The following INPP5D variants were observed in gnomAD, a reference collection of about 807,000 sequenced individuals.
The protein encoded by INPP5D is inositol polyphosphate-5-phosphatase D.
Under a neutral mutation model 122.9 loss-of-function variants are expected in INPP5D, and 33 were observed. That is an observed-to-expected ratio of 0.27 (90% CI 0.20 to 0.36). The LOEUF (loss-of-function observed/expected upper bound fraction) is 0.36, where lower values mean the gene tolerates loss of function less well. INPP5D is among the 10% of genes least tolerant of loss of function. The pLI is 1.00. For missense variants in INPP5D, 1,053 were observed against 1,412.7 expected, an observed-to-expected ratio of 0.75 and a Z score of 4.08; for synonymous variants, 584 against 576.2, an observed-to-expected ratio of 1.01 and a Z score of -0.19.
chr2:233,129,152 T>C (rs1693248999), intron 4 of INPP5D, among the ~76,000 whole-genome samples: 1 of 152,014 alleles, frequency 6.6e-6, no homozygotes, highest in Non-Finnish European at 1.5e-5. Flanking sequence ...GGTGACAGGG[T>C]GAGACCCTGT....
chr2:233,091,805 G>T lies in INPP5D; in HGVS notation c.198+12407G>T, dbSNP rs186033994. On this transcript the variant is annotated intron_variant, in intron 2 of 26. Coordinates refer to ENST00000445964, the MANE Select transcript of INPP5D (RefSeq NM_001017915.3). The stretch of plus-strand genomic sequence containing the variant: ...CTACCGCAGCAACTATCTTGATTCT[G>T]TATTGACTCACTCATTTATTATCTG... Among the ~76,000 whole-genome samples, 3 of 152,306 alleles carry T rather than the reference G, an allele frequency of 2.0e-5. No homozygotes were observed. In the East Asian group the frequency reaches 5.8e-4, roughly 29 times the overall value.
chr2:233,111,137 A>T (rs1378280656), intron 2 of INPP5D, among the ~76,000 whole-genome samples: 1 of 152,178 alleles, frequency 6.6e-6, no homozygotes, highest in Non-Finnish European at 1.5e-5. Flanking sequence ...AGTTGCTGAC[A>T]ATGCCCCACT....
At chr2:233,116,637 C>A (rs1692807107) in intron 2 of INPP5D, among the ~76,000 whole-genome samples, 1 of 151,038 alleles carries the variant, frequency 6.6e-6, no homozygotes, top group Non-Finnish European at 1.5e-5. Flanking sequence ...CACTCTGTCG[C>A]CCAGGCTGGA....
At chr2:233,113,917 T>TC (rs1365571414) in intron 2 of INPP5D, among the ~76,000 whole-genome samples, 1 of 148,496 alleles carries the variant, frequency 6.7e-6, no homozygotes, top group African/African-American at 2.6e-5. Context: ...TTTTTTTTTT[T>TC]TTTTTTTGAG....
chr2:233,137,922 A>C (rs1693531965), intron 5 of INPP5D, among the ~76,000 whole-genome samples: 1 of 96,570 alleles, frequency 1.0e-5, no homozygotes, highest in African/African-American at 3.4e-5. Context: ...ACATACACAT[A>C]ATATGTTAGT....
At position 233,185,886 on chromosome 2, in the gene INPP5D, G is replaced by C. The variant is rs1454375485; in HGVS notation, c.2319G>C (p.Glu773Asp). 3.1e-6 allele frequency: 5 copies of C among 1,609,414 alleles called. No homozygotes were observed. The highest frequency in any genetic ancestry group is 4.2e-6 in the Non-Finnish European group (5 of 1,177,908). Residue 773 changes from glutamate (E) to aspartate (D), a missense_variant, in exon 21 of 27, where the codon GAG becomes GAC. By Grantham distance (45) the Glu-to-Asp change is conservative. Transcript: ENST00000445964. ...AAGGAGAAAATGAAGAAGGAAGTGA[G>C]GGGGAGCTGGTGGTGAAGTTTGGTG... ...SQEGENEEGS[E>D]GELVVKFGET... is the part of the protein sequence containing the mutation.
intron 20 of INPP5D, among the ~76,000 whole-genome samples, chr2:233,185,129 G>A (rs1462319578): frequency 6.6e-6 from 1 of 152,080 alleles, no homozygotes; most frequent in East Asian, 1.9e-4. Context: ...CGTGTGTCCA[G>A]CCGTCTTCGC....
chr2:233,073,731 C>T (rs1197111785), intron 1 of INPP5D, among the ~76,000 whole-genome samples: 1 of 145,954 alleles, frequency 6.9e-6, no homozygotes, highest in Non-Finnish European at 1.5e-5. Context: ...TATTTCTCTT[C>T]TTCCCTCTCT....
chr2:233,198,188 G>A lies in INPP5D; in HGVS notation c.2787G>A (p.Val929=). The A allele has an allele frequency of 6.2e-7, 1 of 1,613,638 alleles. No individual in the cohort carries two copies. The highest frequency in any genetic ancestry group is 8.5e-7 in the Non-Finnish European group (1 of 1,179,892). ...GPFGPPMPLH[V]KQTLSPDQQP... is the part of the protein sequence containing the mutation. The stretch of plus-strand genomic sequence containing the variant: ...TTGGGCCACCAATGCCCCTGCACGT[G>A]AAGCAGACCTTGTCCCCTGACCAGC... The change falls in exon 25 of 27, where the codon GTG becomes GTA. Residue 929 remains valine (V), a synonymous_variant. Transcript: ENST00000445964.
chr2:233,079,440 C>A, intron 2 of INPP5D, 42 bp downstream of exon 2: 2 of 1,210,730 alleles, frequency 1.7e-6, no homozygotes, highest in Non-Finnish European at 2.5e-6. Flanking sequence ...CTGACTTCAG[C>A]CGATACTGGC....
chr2:233,156,572 G>A (rs1482475719), intron 9 of INPP5D, among the ~76,000 whole-genome samples: 1 of 152,180 alleles, frequency 6.6e-6, no homozygotes, highest in Admixed American at 6.5e-5. Context: ...TAGGATTACA[G>A]GCATGAGCCA....
At chr2:233,090,930 C>T (rs74979172) in intron 2 of INPP5D, among the ~76,000 whole-genome samples, 161 of 151,378 alleles carry the variant, frequency 1.1e-3, no homozygotes, top group African/African-American at 3.7e-3. Flanking sequence ...AACACTCTGG[C>T]CTGGGTGACA....
intron 1 of INPP5D, among the ~76,000 whole-genome samples, chr2:233,072,464 C>A (rs566010187): frequency 3.3e-5 from 5 of 151,766 alleles, no homozygotes; most frequent in African/African-American, 1.2e-4. Context: ...GTTGATTTAC[C>A]TGATTTTGGT....
rs777771740 is a variant in INPP5D, at chr2:233,170,558, C to T, written c.1854C>T (p.Asp618=). 1.6e-5 allele frequency: 26 copies of T among 1,613,650 alleles called. No homozygotes were observed. The South Asian group carries it at 2.6e-4, about 16-fold the overall frequency. The change falls in exon 16 of 27, where the codon GAC becomes GAT. Residue 618 remains aspartate, a synonymous_variant. Coordinates refer to ENST00000445964, the MANE Select transcript of INPP5D (RefSeq NM_001017915.3). The surrounding 1 kb of genome is among the most constrained non-coding windows in gnomAD (Gnocchi z 4.5). ...QQQYADLLSH[D]QLLTERREQK... is the part of the protein sequence containing the mutation. ...AGTACGCAGACCTCCTGTCCCACGACCAGCTGCTCACAGAGAGGAGGGAGC... is the reference window on the plus strand; with the variant it reads ...AGTACGCAGACCTCCTGTCCCACGATCAGCTGCTCACAGAGAGGAGGGAGC...
chr2:233,163,512 T>G (rs575436696), intron 11 of INPP5D, among the ~76,000 whole-genome samples, 195 bp from the exon 12 acceptor site: 7 of 152,284 alleles, frequency 4.6e-5, no homozygotes, highest in Admixed American at 2.0e-4. Context: ...GAGGCTTAAC[T>G]GAGCTCTAGC....
In INPP5D at chr2:233,068,464, G is replaced by A. The variant is rs897424682; in HGVS notation, c.134+7852G>A. ...GAAAAATTTAGCTGGGCATGGTGGC[G>A]GGTGCCTGTAATCCCAGCTACTTGG... On this transcript the variant is annotated intron_variant, in intron 1 of 26. Coordinates refer to ENST00000445964, the MANE Select transcript of INPP5D (RefSeq NM_001017915.3). Among the ~76,000 whole-genome samples, 7 of 145,936 alleles carry A rather than the reference G, an allele frequency of 4.8e-5. No individual in the cohort carries two copies. In the South Asian group the frequency reaches 6.6e-4, roughly 14 times the overall value.
In INPP5D at chr2:233,164,246, A is replaced by T; in HGVS notation, c.1438-61A>T. On this transcript the variant is annotated intron_variant, in intron 12 of 26. Coordinates refer to ENST00000445964, the MANE Select transcript of INPP5D (RefSeq NM_001017915.3). The surrounding 1 kb of genome is among the most constrained non-coding windows in gnomAD (Gnocchi z 4.3). The stretch of plus-strand genomic sequence containing the variant: ...CTGCGGCTGGGGCTGGGTGTGAATC[A>T]CTGTGCCCTGGTTCACACCCTACAC... 6.7e-7 allele frequency: 1 copy of T among 1,498,346 alleles called. No homozygotes were observed. Among genetic ancestry groups the T allele is most frequent in the Non-Finnish European group, 8.9e-7 (1 of 1,118,030 alleles). The allele number at this position is 1,498,346 out of a possible 1,614,324, so 92.8% of individuals were successfully genotyped here.
At chr2:233,114,899 C>T (rs1692742239) in intron 2 of INPP5D, among the ~76,000 whole-genome samples, 1 of 151,038 alleles carries the variant, frequency 6.6e-6, no homozygotes, top group African/African-American at 2.4e-5. Flanking sequence ...CAGAGTTTCG[C>T]TCTTGTCACC....
At chr2:233,077,676 A>C (rs1188526331) in intron 1 of INPP5D, among the ~76,000 whole-genome samples, 84 of 150,896 alleles carry the variant, frequency 5.6e-4, no homozygotes, top group African/African-American at 2.0e-3. Flanking sequence ...AAAAAAAAAA[A>C]AAAAAAAAAA....
Sources: gnomAD v4.1 joint callset for allele counts (sites outside exome capture counted in the v4.1 genomes callset) on GRCh38, gnomAD v4.1.1 for gene constraint, Gnocchi (gnomAD v3.1) non-coding constraint, MANE v1.5 for transcripts, NCBI Gene and HGNC (gene_info 2026-07-23, HGNC 2026-07-21) for gene names.